Variants in FAM135A observed in about 807,000 individuals in gnomAD.
The protein encoded by FAM135A is protein FAM135A.
In FAM135A, 79 loss-of-function variants were observed where a neutral mutation model predicts 146.8. The observed-to-expected ratio is 0.54, with a 90% CI of 0.45 to 0.65. FAM135A has a LOEUF of 0.65. Ranked by LOEUF, FAM135A falls within the 30% of genes least tolerant of loss-of-function variation. The pLI is 0.00. For synonymous variants in FAM135A, 562 were observed against 603.6 expected (o/e 0.93, Z 1.01); for missense variants, 1,623 against 1,758.2 (o/e 0.92, Z 1.38).
intron 12 of FAM135A, among the ~76,000 whole-genome samples, chr6:70,511,591 C>T (rs1027021157): frequency 6.6e-6 from 1 of 151,796 alleles, no homozygotes; most frequent in African/African-American, 2.4e-5. Flanking sequence ...AATTGAGAGT[C>T]CTCAGAGAGG....
chr6:70,425,545 TCA>T (rs1484154382), intron 2 of FAM135A, among the ~76,000 whole-genome samples: 3 of 152,182 alleles, frequency 2.0e-5, no homozygotes, highest in Non-Finnish European at 4.4e-5. Context: ...AAACTCTGTA[TCA>T]AAGAGTGAAC....
At position 70,426,256 on chromosome 6, in the gene FAM135A, GTTAATA is replaced by G. The variant is rs144960952; in HGVS notation, c.-133-180_-133-175del. Among the ~76,000 whole-genome samples the G allele has an allele frequency of 3.2e-3, 491 of 152,220 alleles. 1 individual carries two copies. The highest frequency in any genetic ancestry group is 0.011 in the African/African-American group (439 of 41,550). ...GTGAATCCTTAATAGAGATATAATAGTTAATATTGATATTGAAATTGTGAATGAAAA... is the reference window on the plus strand; with the variant it reads ...GTGAATCCTTAATAGAGATATAATAGTTGATATTGAAATTGTGAATGAAAA... On this transcript the variant is annotated intron_variant, in intron 2 of 21. Transcript: ENST00000418814.
chr6:70,546,370 C>T (rs1213659631), intron 20 of FAM135A, among the ~76,000 whole-genome samples: 4 of 152,040 alleles, frequency 2.6e-5, no homozygotes, highest in African/African-American at 7.2e-5. Flanking sequence ...GCGAATTTTC[C>T]GTTCTTTTGG....
chr6:70,467,172 G>A (rs1780635412), intron 5 of FAM135A, among the ~76,000 whole-genome samples: 1 of 152,024 alleles, frequency 6.6e-6, no homozygotes, highest in Non-Finnish European at 1.5e-5. Flanking sequence ...ACAGTTATTT[G>A]GAAGTTCAGC....
At chr6:70,418,488 C>G (rs1768031088) in intron 2 of FAM135A, 1 of 152,300 alleles carries the variant, frequency 6.6e-6, no homozygotes, top group Non-Finnish European at 1.5e-5. Flanking sequence ...TGCCATCACA[C>G]CCAGGTAATT....
chr6:70,536,497 C>T, intron 19 of FAM135A, 86 bp downstream of exon 19: 1 of 1,099,124 alleles, frequency 9.1e-7, no homozygotes, highest in Non-Finnish European at 1.2e-6. Flanking sequence ...ATTTTAGAAC[C>T]AGTTTGTCAC....
chr6:70,519,365 C>T (rs891616702), intron 12 of FAM135A, among the ~76,000 whole-genome samples: 7 of 152,052 alleles, frequency 4.6e-5, no homozygotes, highest in Non-Finnish European at 1.0e-4. Context: ...GAAGATGCTG[C>T]GAACATTGTT....
rs1788853880 is a variant in FAM135A, at chr6:70,502,723, T to C, written c.961T>C (p.Phe321Leu). Reference protein sequence around the residue: ...CSLLMALWGQFLEVITLHEEL... With the variant: ...CSLLMALWGQLLEVITLHEEL... ...ACTTTTGATGGCTTTATGGGGACAG[T>C]TTCTGGAAGTTATAACGCTACACGA... The change falls in exon 12 of 22, where the codon TTT (phenylalanine) becomes CTT (leucine). Residue 321 changes from phenylalanine (F) to leucine (L), a missense_variant. Around this residue, in one of 7 missense-constraint regions of FAM135A, gnomAD observed 206 missense variants for 194.7 expected, o/e 1.06. Transcript: ENST00000418814. 2 of 1,613,274 alleles carry C rather than the reference T, an allele frequency of 1.2e-6. No homozygotes were observed. Among genetic ancestry groups the C allele is most frequent in the African/African-American group, 2.7e-5 (2 of 74,892 alleles).
At chr6:70,430,876 C>T (rs1433935628) in intron 4 of FAM135A, among the ~76,000 whole-genome samples, 1 of 152,136 alleles carries the variant, frequency 6.6e-6, no homozygotes, top group East Asian at 1.9e-4. Context: ...TTCTTTAGTT[C>T]ATCTCTATCT....
intron 16 of FAM135A, among the ~76,000 whole-genome samples, chr6:70,529,408 T>G (rs537444265): frequency 6.7e-6 from 1 of 149,240 alleles, no homozygotes; most frequent in South Asian, 2.1e-4. Context: ...TCCCTGGTAC[T>G]AAATTGTCAT....
chr6:70,530,378 A>G (rs578058373), intron 16 of FAM135A, among the ~76,000 whole-genome samples: 2 of 152,282 alleles, frequency 1.3e-5, no homozygotes, highest in South Asian at 4.1e-4. Flanking sequence ...TTTGGTGAAT[A>G]TTAGAGGTAC....
intron 16 of FAM135A, 63 bp downstream of exon 16, chr6:70,528,515 A>C: frequency 1.8e-3 from 2,364 of 1,297,850 alleles, no homozygotes; most frequent in Non-Finnish European, 2.2e-3. Context: ...AATAGATCTC[A>C]TTTAGTTTCA....
Position 70,524,072 on chromosome 6 carries a change from T to C in FAM135A, c.1209T>C (p.Asn403=). 2 of 1,612,684 alleles carry C rather than the reference T, an allele frequency of 1.2e-6. No individual in the cohort carries two copies. Among genetic ancestry groups the C allele is most frequent in the Non-Finnish European group, 1.7e-6 (2 of 1,179,156 alleles). The change falls in exon 14 of 22, where the codon AAT becomes AAC. Residue 403 remains asparagine, a synonymous_variant. Coordinates refer to ENST00000418814, the MANE Select transcript of FAM135A (RefSeq NM_001162529.3). ...IECSELDGDL[N]SLPIIFEDRY... ...GTAGTGAATTAGATGGAGATCTCAA[T>C]TCATTACCTATAATCTTTGAAGATA...
Position 70,534,174 on chromosome 6 carries a change from CTG to C in FAM135A, c.3965+323_3965+324del, listed in dbSNP as rs976430358. Among the ~76,000 whole-genome samples, 364 of 151,822 alleles carry C rather than the reference CTG, an allele frequency of 2.4e-3. 1 individual carries two copies. The highest frequency in any genetic ancestry group is 8.5e-3 in the African/African-American group (353 of 41,384). On this transcript the variant is annotated intron_variant, in intron 18 of 21. Transcript: ENST00000418814. ...ATTGATTATAGTGAGAGTTAAAACT[CTG>C]TGAATATATTTTAAAACATTGAATT...
chr6:70,507,078 T>G (rs1226106446), intron 12 of FAM135A, among the ~76,000 whole-genome samples: 3 of 152,038 alleles, frequency 2.0e-5, no homozygotes, highest in Admixed American at 6.6e-5. Context: ...AAGATAAACT[T>G]TGGAATTTTA....
intron 12 of FAM135A, among the ~76,000 whole-genome samples, chr6:70,512,675 C>T (rs1313355709): frequency 6.6e-6 from 1 of 151,622 alleles, no homozygotes; most frequent in Admixed American, 6.6e-5. Flanking sequence ...TTATTACTGA[C>T]TTATTAAGAT....
In FAM135A at chr6:70,446,763, G is replaced by A. The variant is rs546231256; in HGVS notation, c.78-5729G>A. Reference sequence around the variant, plus strand: ...TGTTGAAGGAATACTCACGGCAGTGGTGATCACCGCTCTCATAACTACCAT... The same window carrying A: ...TGTTGAAGGAATACTCACGGCAGTGATGATCACCGCTCTCATAACTACCAT... On this transcript the variant is annotated intron_variant, in intron 4 of 21. Transcript: ENST00000418814. 1.1e-4 allele frequency among the ~76,000 whole-genome samples: 17 copies of A among 152,266 alleles called. No homozygotes were observed. In the East Asian group the frequency reaches 2.9e-3, roughly 26 times the overall value.
chr6:70,465,636 T>G (rs1780313826), intron 5 of FAM135A, among the ~76,000 whole-genome samples: 1 of 152,090 alleles, frequency 6.6e-6, no homozygotes, highest in Non-Finnish European at 1.5e-5. Flanking sequence ...TGCCTCGGCC[T>G]CCTAAAGTGC....
chr6:70,522,119 G>A (rs1255112112), intron 12 of FAM135A, among the ~76,000 whole-genome samples: 1 of 152,102 alleles, frequency 6.6e-6, no homozygotes, highest in African/African-American at 2.4e-5. Context: ...GTTTCACCAT[G>A]TTGGCCAGGC....
Sources: gnomAD v4.1 joint callset for allele counts (sites outside exome capture counted in the v4.1 genomes callset) on GRCh38, gnomAD v4.1.1 for gene constraint, gnomAD v4.1.1 regional missense constraint, MANE v1.5 for transcripts, NCBI Gene and HGNC (gene_info 2026-07-23, HGNC 2026-07-21) for gene names.